The following KCNK9 variants were observed in gnomAD, a reference collection of about 807,000 sequenced individuals.
The protein encoded by KCNK9 is potassium two pore domain channel subfamily K member 9.
A neutral mutation model predicts 10.8 loss-of-function variants in KCNK9; 1 was observed. The ratio of observed to expected loss-of-function variants is 0.09; its 90% CI spans 0.03 to 0.44. The LOEUF (loss-of-function observed/expected upper bound fraction) is 0.44. Ranked by LOEUF, KCNK9 falls within the 20% of genes least tolerant of loss-of-function variation. The pLI is 0.97. For synonymous variants in KCNK9, 231 were observed against 222.7 expected (o/e 1.04, Z -0.33); for missense variants, 303 against 515.0 (o/e 0.59, Z 3.98).
At chr8:139,627,042 C>T (rs1489406697) in intron 1 of KCNK9, among the ~76,000 whole-genome samples, 4 of 152,162 alleles carry the variant, frequency 2.6e-5, no homozygotes, top group South Asian at 2.1e-4. Context: ...ATGGGTCGCG[C>T]GTAGGGTGGG....
At chr8:139,691,664 G>A (rs1434462231) in intron 1 of KCNK9, among the ~76,000 whole-genome samples, 2 of 152,146 alleles carry the variant, frequency 1.3e-5, no homozygotes, top group African/African-American at 4.8e-5. Flanking sequence ...ATAATTAAGT[G>A]TCCATTCATT....
At chr8:139,633,579 G>C (rs540501484) in intron 1 of KCNK9, among the ~76,000 whole-genome samples, 1 of 152,164 alleles carries the variant, frequency 6.6e-6, no homozygotes, top group Non-Finnish European at 1.5e-5. Flanking sequence ...ACACGTATAC[G>C]CTCAACAGGC....
chr8:139,638,048 C>T (rs1815392841), intron 1 of KCNK9, among the ~76,000 whole-genome samples: 1 of 151,916 alleles, frequency 6.6e-6, no homozygotes, highest in Non-Finnish European at 1.5e-5. Context: ...GGGTTTGTGT[C>T]CTCATCTGTG....
chr8:139,608,029 G>A (rs1814285720), downstream of KCNK9, among the ~76,000 whole-genome samples: 1 of 152,208 alleles, frequency 6.6e-6, no homozygotes, highest in African/African-American at 2.4e-5. Flanking sequence ...GAAGAGGCAA[G>A]GCTGAGAGCT....
downstream of KCNK9, among the ~76,000 whole-genome samples, chr8:139,609,126 G>A (rs186364532): frequency 0.027 from 616 of 22,480 alleles, 5 homozygotes; most frequent in African/African-American, 0.16. Flanking sequence ...GCCCCGCTCC[G>A]GGAGCTTCAG....
At chr8:139,642,569 G>A (rs765349611) in intron 1 of KCNK9, among the ~76,000 whole-genome samples, 3 of 152,192 alleles carry the variant, frequency 2.0e-5, no homozygotes, top group South Asian at 2.1e-4. Context: ...AAAATAGGAC[G>A]CACTGCCCTG....
Position 139,702,897 on chromosome 8 carries a change from G to C in KCNK9, c.96C>G (p.Asp32Glu), listed in dbSNP as rs995197641. The change falls in exon 1 of 2, where the codon GAC becomes GAG. Residue 32 changes from aspartate (D) to glutamate (E), a missense_variant. Transcript: ENST00000520439. The surrounding 1 kb of genome is among the most constrained non-coding windows in gnomAD (Gnocchi z 7.5). The part of the protein sequence containing the change: ...GAAVFDALES[D>E]HEMREEEKLK... ...GTTTCTCCTCCTCGCGCATCTCGTG[G>C]TCCGACTCGAGGGCGTCGAACACGG... 2.5e-6 allele frequency: 4 copies of C among 1,613,742 alleles called. No individual in the cohort carries two copies. The highest frequency in any genetic ancestry group is 3.4e-6 in the Non-Finnish European group (4 of 1,179,940).
chr8:139,606,863 A>C (rs1282358404), intron 2 of KCNK9, among the ~76,000 whole-genome samples: 1 of 152,186 alleles, frequency 6.6e-6, no homozygotes, highest in Non-Finnish European at 1.5e-5. Flanking sequence ...AATTTTAATC[A>C]ACAAAATCAA....
intron 1 of KCNK9, among the ~76,000 whole-genome samples, chr8:139,684,774 C>T (rs927064245): frequency 7.2e-5 from 11 of 152,100 alleles, no homozygotes; most frequent in African/African-American, 2.7e-4. Context: ...AAGGGATCTC[C>T]CTCAGAAATT....
chr8:139,627,167 A>G (rs1005289168), intron 1 of KCNK9, among the ~76,000 whole-genome samples: 5 of 152,180 alleles, frequency 3.3e-5, no homozygotes, highest in African/African-American at 1.2e-4. Flanking sequence ...CAAGGGCAAT[A>G]TGGAATGAAG....
At chr8:139,701,041 G>C (rs1340401722) in intron 1 of KCNK9, among the ~76,000 whole-genome samples, 1 of 152,134 alleles carries the variant, frequency 6.6e-6, no homozygotes, top group Non-Finnish European at 1.5e-5. Context: ...CTTTCCCCAG[G>C]GGTGGCCAGT....
chr8:139,696,599 G>A (rs1390057276), intron 1 of KCNK9, among the ~76,000 whole-genome samples: 1 of 152,154 alleles, frequency 6.6e-6, no homozygotes, highest in Non-Finnish European at 1.5e-5. Flanking sequence ...CGTCCAATAA[G>A]CAAGTGAGTT....
intron 1 of KCNK9, among the ~76,000 whole-genome samples, chr8:139,623,275 C>T (rs997792341): frequency 1.3e-5 from 2 of 152,130 alleles, no homozygotes; most frequent in African/African-American, 4.8e-5. Flanking sequence ...CCATTTTTTT[C>T]CCATCTGCAA....
chr8:139,633,229 C>A (rs147582901), intron 1 of KCNK9, among the ~76,000 whole-genome samples: 1 of 152,272 alleles, frequency 6.6e-6, no homozygotes, highest in Non-Finnish European at 1.5e-5. Context: ...CTCACACACA[C>A]ATCTGGCCTG....
intron 1 of KCNK9, among the ~76,000 whole-genome samples, chr8:139,695,164 C>A (rs549915052): frequency 6.6e-6 from 1 of 152,338 alleles, no homozygotes; most frequent in East Asian, 1.9e-4. Context: ...AAGACAGGGA[C>A]ACTTTTGCTT....
At chr8:139,655,025 C>T (rs190722336) in intron 1 of KCNK9, among the ~76,000 whole-genome samples, 4 of 152,076 alleles carry the variant, frequency 2.6e-5, no homozygotes, top group Non-Finnish European at 5.9e-5. Context: ...AGATGGATGG[C>T]GGGGGGCGGG....
chr8:139,635,912 T>C (rs996866344), intron 1 of KCNK9, among the ~76,000 whole-genome samples: 7 of 152,246 alleles, frequency 4.6e-5, no homozygotes, highest in African/African-American at 1.7e-4. Flanking sequence ...TGCTATCATA[T>C]TGCCAATAAA....
chr8:139,620,780 G>A (rs1052541336), intron 1 of KCNK9, among the ~76,000 whole-genome samples: 10 of 152,182 alleles, frequency 6.6e-5, no homozygotes, highest in Non-Finnish European at 1.2e-4. Context: ...TGAAAGAAGA[G>A]ATGATATGAC....
intron 1 of KCNK9, among the ~76,000 whole-genome samples, chr8:139,677,982 T>C (rs2129755137): frequency 6.8e-6 from 1 of 147,650 alleles, no homozygotes; most frequent in South Asian, 2.1e-4. Flanking sequence ...ATACCTCACA[T>C]CCCAGCCCAA....
Sources: gnomAD v4.1 joint callset for allele counts (sites outside exome capture counted in the v4.1 genomes callset) on GRCh38, gnomAD v4.1.1 for gene constraint, Gnocchi (gnomAD v3.1) non-coding constraint, MANE v1.5 for transcripts, NCBI Gene and HGNC (gene_info 2026-07-23, HGNC 2026-07-21) for gene names.